Variants in IQCH observed in about 807,000 individuals in gnomAD.
IQCH encodes IQ motif containing H.
Under a neutral mutation model 117.0 loss-of-function variants are expected in IQCH, and 98 were observed. The observed-to-expected ratio is 0.84, with a 90% confidence interval of 0.71 to 0.99. IQCH has a LOEUF of 0.99. IQCH is among the 50% of genes least tolerant of loss of function. The pLI is 0.00. For synonymous variants in IQCH, 412 were observed against 448.2 expected (o/e 0.92, Z 1.02); for missense variants, 1,102 against 1,243.8 (o/e 0.89, Z 1.72).
intron 5 of IQCH, 59 bp downstream of exon 5, chr15:67,337,154 T>C: frequency 6.3e-7 from 1 of 1,596,314 alleles, no homozygotes; most frequent in Non-Finnish European, 8.6e-7. Flanking sequence ...AGCATTGAGG[T>C]AGGATCGGAG....
intron 1 of IQCH, among the ~76,000 whole-genome samples, chr15:67,259,888 G>T (rs1965389212): frequency 6.6e-6 from 1 of 152,232 alleles, no homozygotes; most frequent in Non-Finnish European, 1.5e-5. Flanking sequence ...ATTTCAATCT[G>T]TGAGCTCTGA....
At chr15:67,260,153 T>C (rs1785491980) in intron 1 of IQCH, among the ~76,000 whole-genome samples, 1 of 152,150 alleles carries the variant, frequency 6.6e-6, no homozygotes, top group South Asian at 2.1e-4. Flanking sequence ...CTGAAACAGG[T>C]GTTGGGTTCA....
At chr15:67,340,010 C>T (rs544384424) in intron 5 of IQCH, among the ~76,000 whole-genome samples, 107 of 152,252 alleles carry the variant, frequency 7.0e-4, no homozygotes, top group African/African-American at 2.6e-3. Context: ...GTTCTTAGGG[C>T]TATAGCATGT....
In IQCH at chr15:67,359,810, C is replaced by A. The variant is rs775817081; in HGVS notation, c.715-37C>A. 7 of 1,558,362 alleles carry A rather than the reference C, an allele frequency of 4.5e-6. No homozygotes were observed. The South Asian group carries it at 5.6e-5, about 12-fold the overall frequency. Reference sequence around the variant, plus strand: ...GTTTTGTAAAATTGCCCATGAGAGTCGTTTTGATTTAAACTGTGTCTCATT... The same window carrying A: ...GTTTTGTAAAATTGCCCATGAGAGTAGTTTTGATTTAAACTGTGTCTCATT... On this transcript the variant is annotated intron_variant, in intron 7 of 20. Coordinates refer to ENST00000335894, the MANE Select transcript of IQCH (RefSeq NM_001031715.3). The surrounding 1 kb of genome is among the most constrained non-coding windows in gnomAD (Gnocchi z 4.5).
Position 67,427,731 on chromosome 15 carries a change from C to A in IQCH, c.2505+6154C>A, listed in dbSNP as rs1298254025. Among the ~76,000 whole-genome samples, 3 of 152,010 alleles carry A rather than the reference C, an allele frequency of 2.0e-5. No homozygotes were observed. The highest frequency in any genetic ancestry group is 4.4e-5 in the Non-Finnish European group (3 of 68,024). ...TAATCATCCACTTTAAAAAAATTAT[C>A]ACCAGGAAATAATCACAAAGATTTA... On this transcript the variant is annotated intron_variant, in intron 16 of 20. Transcript: ENST00000335894. The surrounding 1 kb of genome is among the most constrained non-coding windows in gnomAD (Gnocchi z 4.7).
intron 10 of IQCH, among the ~76,000 whole-genome samples, chr15:67,374,696 G>A (rs577441864): frequency 6.6e-6 from 1 of 152,252 alleles, no homozygotes; most frequent in Non-Finnish European, 1.5e-5. Context: ...TCTAAGTGAG[G>A]TATAGGATCT....
rs1970433513 is a variant in IQCH at position 67,369,132 on chromosome 15, A to T, written c.754-2979A>T. On this transcript the variant is annotated intron_variant, in intron 8 of 20. Coordinates refer to ENST00000335894, the MANE Select transcript of IQCH (RefSeq NM_001031715.3). This position sits in a 1 kb window ranked among gnomAD's most constrained non-coding sequence, Gnocchi z 5.2. Reference sequence around the variant, plus strand: ...TGACTTACTAACATATGTAATCATCATCCTGCTTTCCTGTTTTTTGTTTTG... The same window carrying T: ...TGACTTACTAACATATGTAATCATCTTCCTGCTTTCCTGTTTTTTGTTTTG... Among the ~76,000 whole-genome samples, 1 of 152,196 alleles carries T rather than the reference A, an allele frequency of 6.6e-6. No individual in the cohort carries two copies. The highest frequency in any genetic ancestry group is 2.4e-5 in the African/African-American group (1 of 41,434).
At chr15:67,486,744 T>C (rs1344197342) in intron 18 of IQCH, among the ~76,000 whole-genome samples, 1 of 152,128 alleles carries the variant, frequency 6.6e-6, no homozygotes, top group African/African-American at 2.4e-5. Flanking sequence ...GTAAAAGAAA[T>C]AGGTGAGGTT....
At chr15:67,287,995 TGACCCACTGGTCATTCAG>T (rs1407893709) in intron 4 of IQCH, among the ~76,000 whole-genome samples, 3 of 152,102 alleles carry the variant, frequency 2.0e-5, no homozygotes, top group Admixed American at 6.6e-5. Context: ...ATTTCTTCAT[TGACCCACTGGTCATTCAG>T]GAGCATATTG....
chr15:67,372,420 C>T lies in IQCH; in HGVS notation c.1063C>T (p.Leu355=). The T allele has an allele frequency of 6.2e-7, 1 of 1,614,058 alleles. No individual in the cohort carries two copies. Among genetic ancestry groups the T allele is most frequent in the Non-Finnish European group, 8.5e-7 (1 of 1,179,970 alleles). Residue 355 remains leucine, a synonymous_variant, in exon 9 of 21, where the codon CTG becomes TTG. Coordinates refer to ENST00000335894, the MANE Select transcript of IQCH (RefSeq NM_001031715.3). ...AGAGGACCCAGCTCATGTCCAAATGCTGATAAATCTTCCAGGGCAAAGGTA... is the reference window on the plus strand; with the variant it reads ...AGAGGACCCAGCTCATGTCCAAATGTTGATAAATCTTCCAGGGCAAAGGTA... ...VLEDPAHVQM[L]INLPGQRYKG...
chr15:67,256,286 T>A (rs1965194519), intron 1 of IQCH, among the ~76,000 whole-genome samples: 1 of 152,186 alleles, frequency 6.6e-6, no homozygotes, highest in South Asian at 2.1e-4. Flanking sequence ...CTCCCAGCCA[T>A]GATATGTGAC....
At chr15:67,396,958 C>G (rs1001723976) in intron 13 of IQCH, among the ~76,000 whole-genome samples, 1 of 152,176 alleles carries the variant, frequency 6.6e-6, no homozygotes, top group Non-Finnish European at 1.5e-5. Context: ...CAACCTAGGA[C>G]AGTCGCAGGC....
chr15:67,383,422 G>A (rs1971007254), intron 10 of IQCH, among the ~76,000 whole-genome samples: 1 of 152,150 alleles, frequency 6.6e-6, no homozygotes, highest in Non-Finnish European at 1.5e-5. Context: ...AAAGTGATCA[G>A]ACATCTTTTA....
intron 6 of IQCH, among the ~76,000 whole-genome samples, chr15:67,347,564 A>G (rs1326741687): frequency 6.6e-6 from 1 of 151,894 alleles, no homozygotes; most frequent in East Asian, 1.9e-4. Flanking sequence ...ATGATACCAT[A>G]TGGCATCACT....
At chr15:67,415,957 G>A (rs1028672028) in intron 14 of IQCH, among the ~76,000 whole-genome samples, 11 of 152,134 alleles carry the variant, frequency 7.2e-5, no homozygotes, top group African/African-American at 2.4e-4. Context: ...CAGCCATTTG[G>A]GAGGCTAAGG....
In IQCH at chr15:67,494,774, A is replaced by C. The variant is rs1293851320; in HGVS notation, c.2970+408A>C. Among the ~76,000 whole-genome samples, 2 of 152,200 alleles carry C rather than the reference A, an allele frequency of 1.3e-5. No homozygotes were observed. Among genetic ancestry groups the C allele is most frequent in the African/African-American group, 4.8e-5 (2 of 41,448 alleles). On this transcript the variant is annotated intron_variant, in intron 20 of 20. Transcript: ENST00000335894. This position sits in a 1 kb window ranked among gnomAD's most constrained non-coding sequence, Gnocchi z 5.5. ...GGGAAGCCCTAGTTTCTAGAGCCAG[A>C]GAAGTTCTAAGACCCGAGAAAGCAA...
chr15:67,333,076 C>T (rs1453994110), intron 4 of IQCH, among the ~76,000 whole-genome samples: 1 of 152,148 alleles, frequency 6.6e-6, no homozygotes, highest in African/African-American at 2.4e-5. Context: ...GTGGAGGGGA[C>T]ATAGCAGCTC....
At chr15:67,438,407 T>C (rs2082190250) in intron 16 of IQCH, among the ~76,000 whole-genome samples, 1 of 152,210 alleles carries the variant, frequency 6.6e-6, no homozygotes, top group Non-Finnish European at 1.5e-5. Context: ...GAGCTCTAAA[T>C]CTTGAATCAA....
intron 9 of IQCH, 24 bp downstream of exon 9, chr15:67,372,686 A>G (rs1338928630): frequency 6.4e-7 from 1 of 1,554,156 alleles, no homozygotes. Context: ...CCAGCTGTTA[A>G]GGCAGACCTC....
Sources: gnomAD v4.1 joint callset for allele counts (sites outside exome capture counted in the v4.1 genomes callset) on GRCh38, gnomAD v4.1.1 for gene constraint, Gnocchi (gnomAD v3.1) non-coding constraint, MANE v1.5 for transcripts, NCBI Gene and HGNC (gene_info 2026-07-23, HGNC 2026-07-21) for gene names.